The following PAPSS2 variants were observed in gnomAD, a reference collection of about 807,000 sequenced individuals.
PAPSS2 encodes the protein bifunctional 3'-phosphoadenosine 5'-phosphosulfate synthase 2.
PAPSS2 carries 61 observed loss-of-function variants against 66.5 expected under a neutral mutation model. The ratio of observed to expected loss-of-function variants is 0.92; its 90% CI spans 0.75 to 1.14. The LOEUF (loss-of-function observed/expected upper bound fraction) is 1.14. Ranked by LOEUF, PAPSS2 falls within the 50% of genes most tolerant of loss-of-function variation. The probability of loss-of-function intolerance (pLI) is 0.00; values close to 1 mark genes in which losing one functional copy is unlikely to be tolerated. For missense variants in PAPSS2, 708 were observed against 789.6 expected (o/e 0.90, Z 1.24); for synonymous variants, 289 against 287.5 (o/e 1.01, Z -0.05).
chr10:87,733,039 T>C (rs1853748848), intron 9 of PAPSS2, among the ~76,000 whole-genome samples: 1 of 152,246 alleles, frequency 6.6e-6, no homozygotes, highest in Non-Finnish European at 1.5e-5. Context: ...ATAATTCTTT[T>C]TGCTGTGTCC....
At chr10:87,705,739 TA>T (rs1385239587) in intron 1 of PAPSS2, among the ~76,000 whole-genome samples, 1 of 151,708 alleles carries the variant, frequency 6.6e-6, no homozygotes, top group Admixed American at 6.6e-5. Flanking sequence ...CTTTTTTCCT[TA>T]TTTTTTTTTT....
chr10:87,730,818 A>G (rs1853719092), intron 9 of PAPSS2, among the ~76,000 whole-genome samples: 1 of 152,132 alleles, frequency 6.6e-6, no homozygotes, highest in South Asian at 2.1e-4. Flanking sequence ...AGGTTGAGAG[A>G]GGTGAGAAAG....
intron 1 of PAPSS2, among the ~76,000 whole-genome samples, chr10:87,661,524 C>G (rs893934724): frequency 1.3e-5 from 2 of 152,056 alleles, no homozygotes; most frequent in African/African-American, 4.8e-5. Context: ...GTTTTAATTC[C>G]CACCTTCCTG....
In PAPSS2 at chr10:87,685,884, C is replaced by T. The variant is rs149302398; in HGVS notation, c.28-23312C>T. ...TAGGGTCACCTACTCTCAAATTCTG[C>T]GGTTCAAATTGTGGTTGGAGATGAG... On this transcript the variant is annotated intron_variant, in intron 1 of 12. Coordinates refer to ENST00000456849, the MANE Select transcript of PAPSS2 (RefSeq NM_001015880.2). 5.3e-3 allele frequency among the ~76,000 whole-genome samples: 799 copies of T among 152,184 alleles called. 4 individuals are homozygous for T. The highest frequency in any genetic ancestry group is 8.5e-3 in the Non-Finnish European group (578 of 67,992).
chr10:87,679,480 A>G (rs1182316840), intron 1 of PAPSS2, among the ~76,000 whole-genome samples: 1 of 152,180 alleles, frequency 6.6e-6, no homozygotes, highest in Non-Finnish European at 1.5e-5. Flanking sequence ...AAAGTGATAG[A>G]CTCTTCAAAT....
At chr10:87,731,885 A>T (rs1853734053) in intron 9 of PAPSS2, among the ~76,000 whole-genome samples, 1 of 152,218 alleles carries the variant, frequency 6.6e-6, no homozygotes, top group Admixed American at 6.5e-5. Flanking sequence ...CTCCTGGTGA[A>T]GATTCTCTTG....
chr10:87,745,374 T>G (rs1853925185), intron 12 of PAPSS2, 143 bp downstream of exon 12: 1 of 686,408 alleles, frequency 1.5e-6, no homozygotes, highest in African/African-American at 1.8e-5. Flanking sequence ...AGACGTGGTC[T>G]TATAAATTTT....
At chr10:87,724,630 A>T (rs571191637) in intron 8 of PAPSS2, among the ~76,000 whole-genome samples, 1 of 144,214 alleles carries the variant, frequency 6.9e-6, no homozygotes, top group Non-Finnish European at 1.5e-5. Flanking sequence ...ATTAATTTAT[A>T]CATATATTAA....
chr10:87,683,291 C>A (rs1002677658), intron 1 of PAPSS2, among the ~76,000 whole-genome samples: 16 of 152,066 alleles, frequency 1.1e-4, no homozygotes, highest in African/African-American at 3.4e-4. Flanking sequence ...CGGGGTTTCA[C>A]CATGTTCGCC....
chr10:87,745,303 T>G (rs548711493), intron 12 of PAPSS2, 72 bp downstream of exon 12: 1 of 1,233,784 alleles, frequency 8.1e-7, no homozygotes, highest in East Asian at 2.5e-5. Context: ...TTTGGGCCCT[T>G]TGAAAAACTC....
At chr10:87,675,635 C>T (rs1056216684) in intron 1 of PAPSS2, among the ~76,000 whole-genome samples, 3 of 152,220 alleles carry the variant, frequency 2.0e-5, no homozygotes, top group African/African-American at 4.8e-5. Context: ...GTGTTCCATT[C>T]ATTACGCTGC....
At position 87,746,972 on chromosome 10, in the gene PAPSS2, G is replaced by A. The variant is rs942576776; in HGVS notation, c.*1002G>A. ...GAGCACCGTAACAAAATGTAAATTT[G>A]CCATTATTAGGAAGTGCTGGTGGCA... On this transcript the variant is annotated 3_prime_UTR_variant, in exon 13 of 13. Transcript: ENST00000456849. The A allele has an allele frequency of 6.6e-6, 1 of 152,110 alleles. No individual in the cohort carries two copies. The highest frequency in any genetic ancestry group is 1.5e-5 in the Non-Finnish European group (1 of 68,016). The allele number at this position is 152,110 out of a possible 1,614,324, so 9.4% of individuals were successfully genotyped here. A position where few individuals can be genotyped will look rare whatever the true frequency, so the allele number is the denominator to read the frequency against.
chr10:87,735,910 T>C (rs957549562), intron 9 of PAPSS2, among the ~76,000 whole-genome samples: 1 of 152,196 alleles, frequency 6.6e-6, no homozygotes, highest in Non-Finnish European at 1.5e-5. Flanking sequence ...TAAACCCCAA[T>C]ATCTGGCCAT....
intron 1 of PAPSS2, among the ~76,000 whole-genome samples, chr10:87,678,833 A>T (rs1197375071): frequency 6.6e-6 from 1 of 152,210 alleles, no homozygotes; most frequent in Non-Finnish European, 1.5e-5. Flanking sequence ...TGTTGGTGGG[A>T]ATGTAAATTA....
At chr10:87,697,268 GCT>G (rs2131918813) in intron 1 of PAPSS2, among the ~76,000 whole-genome samples, 1 of 152,306 alleles carries the variant, frequency 6.6e-6, no homozygotes, top group African/African-American at 2.4e-5. Context: ...CAGGCTCAGG[GCT>G]CCAGTCACCC....
chr10:87,709,216 C>A lies in PAPSS2; in HGVS notation c.48C>A (p.Thr16=). Residue 16 remains threonine (T), a synonymous_variant, in exon 2 of 13, where the codon ACC becomes ACA. Transcript: ENST00000456849. ...TATAGGAGAACCAGCAGAAATCCACCAATGTAGTCTATCAGGCCCACCATG... is the reference window on the plus strand; with the variant it reads ...TATAGGAGAACCAGCAGAAATCCACAAATGTAGTCTATCAGGCCCACCATG... ...KQKTENQQKS[T]NVVYQAHHVS... 6.2e-7 allele frequency: 1 copy of A among 1,612,382 alleles called. No individual in the cohort carries two copies. Among genetic ancestry groups the A allele is most frequent in the Non-Finnish European group, 8.5e-7 (1 of 1,178,706 alleles).
At chr10:87,737,784 C>A (rs2131727530) in intron 9 of PAPSS2, among the ~76,000 whole-genome samples, 2 of 152,216 alleles carry the variant, frequency 1.3e-5, no homozygotes, top group South Asian at 4.2e-4. Context: ...TGCATGCCAG[C>A]CTGGTGACAG....
chr10:87,736,653 G>A (rs1012106492), intron 9 of PAPSS2, among the ~76,000 whole-genome samples: 3 of 152,140 alleles, frequency 2.0e-5, no homozygotes, highest in Non-Finnish European at 4.4e-5. Context: ...TACAAATGGA[G>A]AGCCATACAT....
chr10:87,741,550 A>T (rs1055422153), intron 10 of PAPSS2, among the ~76,000 whole-genome samples, 180 bp downstream of exon 10: 17 of 152,070 alleles, frequency 1.1e-4, no homozygotes, highest in African/African-American at 4.1e-4. Flanking sequence ...GCCCACCACT[A>T]CGCCCAGCTA....
Sources: allele counts gnomAD v4.1 joint callset (sites outside exome capture counted in the v4.1 genomes callset), GRCh38; gene constraint gnomAD v4.1.1; transcripts MANE v1.5; gene names NCBI Gene and HGNC (gene_info 2026-07-23, HGNC 2026-07-21).